ENTPD1: variants seen among roughly 807,000 people sequenced by gnomAD.
ENTPD1 encodes ectonucleoside triphosphate diphosphohydrolase 1.
ENTPD1 carries 33 observed loss-of-function variants against 57.0 expected under a neutral mutation model. That is an observed-to-expected ratio of 0.58 (90% confidence interval 0.44 to 0.77). The LOEUF (loss-of-function observed/expected upper bound fraction) is 0.77. Ranked by LOEUF, ENTPD1 falls within the 30% of genes least tolerant of loss-of-function variation. ENTPD1 has a pLI of 0.00. For synonymous variants in ENTPD1, 202 were observed against 218.8 expected (o/e 0.92, Z 0.68); for missense variants, 501 against 603.4 (o/e 0.83, Z 1.78).
At chr10:95,770,668 C>G (rs1006070671) in intron 1 of ENTPD1, among the ~76,000 whole-genome samples, 13 of 152,184 alleles carry the variant, frequency 8.5e-5, no homozygotes, top group African/African-American at 3.1e-4. Context: ...AGCCCAAACT[C>G]CAGGCCCCTA....
intron 1 of ENTPD1, among the ~76,000 whole-genome samples, chr10:95,808,582 T>G (rs1254861454): frequency 6.6e-6 from 1 of 152,136 alleles, no homozygotes; most frequent in Non-Finnish European, 1.5e-5. Context: ...GGGAGTTAGT[T>G]TGATTATCTT....
intron 7 of ENTPD1, among the ~76,000 whole-genome samples, chr10:95,853,622 T>C (rs1178465050): frequency 6.6e-6 from 1 of 152,228 alleles, no homozygotes; most frequent in African/African-American, 2.4e-5. Flanking sequence ...ACCTAATTTA[T>C]TGAGAGTTTT....
At chr10:95,787,446 G>A (rs909270878) in intron 1 of ENTPD1, among the ~76,000 whole-genome samples, 2 of 152,162 alleles carry the variant, frequency 1.3e-5, no homozygotes, top group African/African-American at 4.8e-5. Flanking sequence ...AAGGAGAGGG[G>A]ATGTTAAAGA....
chr10:95,824,473 C>T (rs2098366555), intron 2 of ENTPD1, among the ~76,000 whole-genome samples: 1 of 152,224 alleles, frequency 6.6e-6, no homozygotes, highest in Non-Finnish European at 1.5e-5. Context: ...CTGTGTACAG[C>T]AGTCCCTTTG....
At chr10:95,704,380 A>G in the ENTPD1 span, among the ~76,000 whole-genome samples, 2 of 152,240 alleles carry the variant, frequency 1.3e-5, no homozygotes, top group Non-Finnish European at 2.9e-5. Context: ...CCTACTAGAT[A>G]TCACATCTTA....
the ENTPD1 span, among the ~76,000 whole-genome samples, chr10:95,698,420 A>T: frequency 6.6e-6 from 1 of 152,268 alleles, no homozygotes; most frequent in Non-Finnish European, 1.5e-5. Context: ...GCCTGACCAC[A>T]TGAAGAGTAA....
At chr10:95,814,503 G>A (rs1023540766) in intron 1 of ENTPD1, among the ~76,000 whole-genome samples, 2 of 152,088 alleles carry the variant, frequency 1.3e-5, no homozygotes, top group African/African-American at 4.8e-5. Flanking sequence ...AGAACTGTGG[G>A]TGGGGAGCCT....
rs530072772 is a variant in ENTPD1, at chr10:95,805,173, C to A, written c.17-18064C>A. 2.6e-5 allele frequency among the ~76,000 whole-genome samples: 4 copies of A among 152,220 alleles called. No homozygotes were observed. In the South Asian group the frequency reaches 8.3e-4, roughly 32 times the overall value. ...ACTTGCTTTATGAATCTGGGTGCTC[C>A]TGTATTGGGTGCATATATACTTAGG... is the stretch of plus-strand genomic sequence containing the variant. On this transcript the variant is annotated intron_variant, in intron 1 of 9. Transcript: ENST00000371205.
chr10:95,796,904 C>A (rs2098228463), intron 1 of ENTPD1, among the ~76,000 whole-genome samples: 1 of 151,872 alleles, frequency 6.6e-6, no homozygotes, highest in African/African-American at 2.4e-5. Flanking sequence ...CATATTGAGA[C>A]CCTGTCTCTA....
At chr10:95,801,185 C>T (rs571164278) in intron 1 of ENTPD1, among the ~76,000 whole-genome samples, 13 of 152,156 alleles carry the variant, frequency 8.5e-5, no homozygotes, top group South Asian at 6.2e-4. Flanking sequence ...ACAGCTGTGC[C>T]GAAGCTTTTT....
chr10:95,823,502 G>A, intron 2 of ENTPD1, 138 bp downstream of exon 2: 1 of 1,293,674 alleles, frequency 7.7e-7, no homozygotes, highest in South Asian at 1.2e-5. Context: ...ATTTCCACTG[G>A]ATTAGGGGAG....
At chr10:95,723,336 TC>T (rs2097979666) in intron 1 of ENTPD1, among the ~76,000 whole-genome samples, 1 of 152,160 alleles carries the variant, frequency 6.6e-6, no homozygotes, top group Non-Finnish European at 1.5e-5. Flanking sequence ...TCTTTCTCTC[TC>T]TTTTCTCCTA....
Position 95,868,311 on chromosome 10 carries a change from G to A in ENTPD1, c.*1928G>A, listed in dbSNP as rs2098476609. On this transcript the variant is annotated 3_prime_UTR_variant, in exon 10 of 10. Coordinates refer to ENST00000371205, the MANE Select transcript of ENTPD1 (RefSeq NM_001776.6). ...AACTCCACATGAATACAAGGTTCATGGGACTTGGTATTCATAGAAAGGGAG... is the reference window on the plus strand; with the variant it reads ...AACTCCACATGAATACAAGGTTCATAGGACTTGGTATTCATAGAAAGGGAG... 3.0e-6 allele frequency: 3 copies of A among 985,394 alleles called. No homozygotes were observed. Among genetic ancestry groups the A allele is most frequent in the African/African-American group, 3.5e-5 (2 of 57,340 alleles). The allele number at this position is 985,394 out of a possible 1,614,324, so 61.0% of individuals were successfully genotyped here. A position where few individuals can be genotyped will look rare whatever the true frequency, so the allele number is the denominator to read the frequency against.
chr10:95,722,682 A>T (rs2097978871), intron 1 of ENTPD1, among the ~76,000 whole-genome samples: 1 of 151,758 alleles, frequency 6.6e-6, no homozygotes, highest in Non-Finnish European at 1.5e-5. Context: ...GCACTGGGAG[A>T]TATACCATTG....
intron 1 of ENTPD1, among the ~76,000 whole-genome samples, chr10:95,792,925 C>T (rs1462630684): frequency 3.3e-5 from 5 of 152,206 alleles, no homozygotes; most frequent in African/African-American, 1.2e-4. Flanking sequence ...CATGTTCACT[C>T]TGGCCACGTA....
At chr10:95,837,267 C>T (rs946630816) in intron 2 of ENTPD1, among the ~76,000 whole-genome samples, 1 of 152,198 alleles carries the variant, frequency 6.6e-6, no homozygotes, top group African/African-American at 2.4e-5. Context: ...CAGTTTCTGT[C>T]GTATGCTGCT....
chr10:95,825,393 G>A (rs1344353570), intron 2 of ENTPD1, among the ~76,000 whole-genome samples: 1 of 152,096 alleles, frequency 6.6e-6, no homozygotes, highest in Non-Finnish European at 1.5e-5. Context: ...TTTCTTGCAT[G>A]GTTTGTAAAC....
chr10:95,857,326 C>G (rs1292006706), intron 7 of ENTPD1, among the ~76,000 whole-genome samples: 1 of 152,138 alleles, frequency 6.6e-6, no homozygotes, highest in Non-Finnish European at 1.5e-5. Context: ...CTTTATAAAG[C>G]AAATGTCACT....
chr10:95,855,114 G>T (rs957252133), intron 7 of ENTPD1, among the ~76,000 whole-genome samples: 1 of 151,976 alleles, frequency 6.6e-6, no homozygotes, highest in East Asian at 1.9e-4. Context: ...TATGAATTTG[G>T]GTGCTCCTGT....
Sources: allele counts gnomAD v4.1 joint callset (sites outside exome capture counted in the v4.1 genomes callset), GRCh38; gene constraint gnomAD v4.1.1; transcripts MANE v1.5; gene names NCBI Gene and HGNC (gene_info 2026-07-23, HGNC 2026-07-21).